Variants in PREX2 observed in about 807,000 individuals in gnomAD.
The protein encoded by PREX2 is phosphatidylinositol 3,4,5-trisphosphate-dependent Rac exchanger 2 protein.
PREX2 carries 107 observed loss-of-function variants against 203.2 expected under a neutral mutation model. The observed-to-expected ratio is 0.53, with a 90% CI of 0.45 to 0.62. The LOEUF is 0.62. PREX2 is among the 20% of genes least tolerant of loss of function. PREX2 has a pLI of 0.00. For missense variants in PREX2, 1,777 were observed against 1,955.9 expected (o/e 0.91, Z 1.72); for synonymous variants, 672 against 663.6 (o/e 1.01, Z -0.19).
At chr8:68,039,989 A>G (rs1191525021) in intron 7 of PREX2, among the ~76,000 whole-genome samples, 1 of 152,052 alleles carries the variant, frequency 6.6e-6, no homozygotes, top group Non-Finnish European at 1.5e-5. Context: ...ACCTTGCTCA[A>G]AGCCCTCATT....
intron 37 of PREX2, among the ~76,000 whole-genome samples, chr8:68,195,321 A>G (rs1333673482): frequency 2.0e-5 from 3 of 152,234 alleles, no homozygotes; most frequent in African/African-American, 7.2e-5. Context: ...GATTTCTACA[A>G]TTCAAAATAA....
chr8:68,095,545 G>C (rs1810037941), intron 21 of PREX2, among the ~76,000 whole-genome samples: 1 of 145,820 alleles, frequency 6.9e-6, no homozygotes, highest in Admixed American at 6.9e-5. Flanking sequence ...ATATGTGTGT[G>C]TGTGTGTGTG....
At chr8:68,138,570 A>G (rs1811158922) in intron 33 of PREX2, 53 bp downstream of exon 33, 1 of 826,230 alleles carries the variant, frequency 1.2e-6, no homozygotes, top group Non-Finnish European at 2.0e-6. Flanking sequence ...ATTATATATG[A>G]TATAACTTTG....
chr8:68,098,938 G>GTATATATATATATATA (rs71253061), intron 22 of PREX2, among the ~76,000 whole-genome samples: 41 of 109,796 alleles, frequency 3.7e-4, no homozygotes, highest in Non-Finnish European at 5.3e-4. Context: ...ATATATATGT[G>GTATATATATATATATA]TATATATATA....
chr8:68,012,305 A>C (rs562884606), intron 1 of PREX2, among the ~76,000 whole-genome samples: 56 of 152,300 alleles, frequency 3.7e-4, no homozygotes, highest in Admixed American at 7.8e-4. Context: ...TTTGGATGGT[A>C]TAATGACAAA....
At chr8:68,041,354 A>C (rs2129610805) in intron 7 of PREX2, among the ~76,000 whole-genome samples, 1 of 152,288 alleles carries the variant, frequency 6.6e-6, no homozygotes, top group African/African-American at 2.4e-5. Context: ...TGCCCAGAGC[A>C]AGTTAGCAAA....
intron 1 of PREX2, among the ~76,000 whole-genome samples, chr8:67,954,227 C>G (rs1805431071): frequency 6.6e-6 from 1 of 152,256 alleles, no homozygotes; most frequent in Admixed American, 6.5e-5. Context: ...CTTTTTATCT[C>G]TTTCAGAATT....
chr8:68,096,660 C>T (rs1273100446), intron 21 of PREX2, among the ~76,000 whole-genome samples: 2 of 152,054 alleles, frequency 1.3e-5, no homozygotes, highest in Non-Finnish European at 2.9e-5. Context: ...ATTCATACAA[C>T]ATTCGAGGCA....
intron 39 of PREX2, among the ~76,000 whole-genome samples, chr8:68,226,954 C>G (rs1256473758): frequency 1.3e-5 from 2 of 152,180 alleles, no homozygotes; most frequent in Admixed American, 1.3e-4. Context: ...GTTTTGAGAA[C>G]TATGCCTAGA....
intron 35 of PREX2, among the ~76,000 whole-genome samples, chr8:68,165,013 A>G (rs1179251522): frequency 6.6e-6 from 1 of 151,982 alleles, no homozygotes; most frequent in East Asian, 1.9e-4. Flanking sequence ...GTAAAAGCAC[A>G]AAATCATAGC....
chr8:68,138,205 A>G (rs1277463430), intron 32 of PREX2, among the ~76,000 whole-genome samples: 1 of 152,226 alleles, frequency 6.6e-6, no homozygotes, highest in Non-Finnish European at 1.5e-5. Flanking sequence ...AAGGGAAAAT[A>G]TAAAACCATA....
At chr8:68,124,073 CA>C (rs1276695051) in intron 30 of PREX2, among the ~76,000 whole-genome samples, 1 of 152,146 alleles carries the variant, frequency 6.6e-6, no homozygotes, top group Non-Finnish European at 1.5e-5. Context: ...CTACCATGAT[CA>C]AGTAGTCTTT....
intron 30 of PREX2, among the ~76,000 whole-genome samples, chr8:68,126,630 A>G (rs1425021384): frequency 6.6e-6 from 1 of 152,114 alleles, no homozygotes; most frequent in African/African-American, 2.4e-5. Context: ...AGAATAGGAT[A>G]TAACTTAATC....
intron 38 of PREX2, among the ~76,000 whole-genome samples, chr8:68,218,964 T>C (rs1037628690): frequency 3.9e-5 from 6 of 152,210 alleles, no homozygotes; most frequent in African/African-American, 1.4e-4. Context: ...TTTGGATATA[T>C]ATACAAATTA....
chr8:68,111,931 T>C (rs1810544144), intron 25 of PREX2, among the ~76,000 whole-genome samples: 1 of 152,188 alleles, frequency 6.6e-6, no homozygotes, highest in African/African-American at 2.4e-5. Context: ...TTGCCAACTT[T>C]TAAGAGAAAC....
rs1193346688 is a variant in PREX2, at chr8:68,072,490, TATAGAG to T, written c.1494-1_1498del. On this transcript the variant is annotated splice_acceptor_variant and splice_polypyrimidine_tract_variant and coding_sequence_variant and intron_variant, in exon 14 of 40. Transcript: ENST00000288368. LOFTEE classifies it high-confidence loss of function. ...GTTTGTTTGTTTTTATTTTTTCCTT[TATAGAG>T]ATAAAGATTACCATTTAAGGACCTA... 6.5e-7 allele frequency: 1 copy of T among 1,532,986 alleles called. No homozygotes were observed. The highest frequency in any genetic ancestry group is 9.0e-7 in the Non-Finnish European group (1 of 1,111,362). 95.0% of individuals were successfully genotyped at this position (1,532,986 alleles called of 1,614,324 possible). A position where few individuals can be genotyped will look rare whatever the true frequency, so the allele number is the denominator to read the frequency against.
intron 14 of PREX2, 102 bp from the exon 15 acceptor site, chr8:68,077,295 G>A: frequency 8.6e-6 from 7 of 815,190 alleles, no homozygotes; most frequent in East Asian, 7.3e-5. Flanking sequence ...CTTTATAAGC[G>A]AAGCTTTGTC....
chr8:67,952,274 C>A lies in PREX2; in HGVS notation c.-121C>A. 1 of 798,202 alleles carries A rather than the reference C, an allele frequency of 1.3e-6. No homozygotes were observed. Among genetic ancestry groups the A allele is most frequent in the Non-Finnish European group, 1.7e-6 (1 of 581,574 alleles). 49.4% of individuals were successfully genotyped at this position (798,202 alleles called of 1,614,324 possible). ...CCCCAGCATGTAAAGTCTTCTGTCT[C>A]TCCTCGGAGTTGGCGGAGGCGGCAA... is the stretch of plus-strand genomic sequence containing the variant. On this transcript the variant is annotated 5_prime_UTR_variant, in exon 1 of 40. Transcript: ENST00000288368.
intron 1 of PREX2, among the ~76,000 whole-genome samples, chr8:67,991,058 C>G (rs573254577): frequency 6.6e-6 from 1 of 152,140 alleles, no homozygotes; most frequent in Admixed American, 6.5e-5. Context: ...TTGTATGTGT[C>G]GGTGAGTTTT....
Sources: allele counts gnomAD v4.1 joint callset (sites outside exome capture counted in the v4.1 genomes callset), GRCh38; gene constraint gnomAD v4.1.1; transcripts MANE v1.5; gene names NCBI Gene and HGNC (gene_info 2026-07-23, HGNC 2026-07-21).